ABR: variants seen among roughly 807,000 people sequenced by gnomAD.
ABR encodes active breakpoint cluster region-related protein.
Under a neutral mutation model 107.2 loss-of-function variants are expected in ABR, and 35 were observed. The observed-to-expected ratio is 0.33, with a 90% CI of 0.25 to 0.43. ABR has a LOEUF of 0.43. Among genes scored for constraint, ABR ranks in the 20% least tolerant of loss-of-function variants. The probability of loss-of-function intolerance (pLI) is 1.00; values close to 1 mark genes in which losing one functional copy is unlikely to be tolerated. For missense variants in ABR, 815 were observed against 1,115.2 expected, an observed-to-expected ratio of 0.73 and a Z score of 3.83; for synonymous variants, 498 against 462.0, an observed-to-expected ratio of 1.08 and a Z score of -1.00.
In ABR at chr17:1,050,105, A is replaced by G; in HGVS notation, c.1736T>C (p.Val579Ala). 5 of 1,613,984 alleles carry G rather than the reference A, an allele frequency of 3.1e-6. No homozygotes were observed. The highest frequency in any genetic ancestry group is 4.2e-6 in the Non-Finnish European group (5 of 1,179,994). Residue 579 changes from valine to alanine, a missense_variant, in exon 16 of 23, where the codon GTC becomes GCC. Physicochemically the swap from Val to Ala is moderately conservative, Grantham distance 64 (BLOSUM62 0). Transcript: ENST00000302538. This position sits in a 1 kb window ranked among gnomAD's most constrained non-coding sequence, Gnocchi z 4.6. ...CYEKCYDKTK[V>A]NKDNNEIVDK... ...CACGATCTCATTGTTGTCCTTGTTG[A>G]CCTTGGTCTTGTCATAGCACTTCTC...
At chr17:1,067,285 G>T (rs972408858) in intron 9 of ABR, 43 bp from the exon 10 acceptor site, 3 of 1,520,534 alleles carry the variant, frequency 2.0e-6, no homozygotes, top group Non-Finnish European at 1.8e-6. Context: ...AGGGAGCCTG[G>T]CTCTTCCAGC....
intron 1 of ABR, among the ~76,000 whole-genome samples, chr17:1,216,000 A>G (rs2042999700): frequency 7.4e-6 from 1 of 135,464 alleles, no homozygotes; most frequent in African/African-American, 2.6e-5. Context: ...AGTCATCACC[A>G]ATCCCTAATC....
At chr17:1,199,297 G>A (rs1322094553) in intron 1 of ABR, among the ~76,000 whole-genome samples, 1 of 151,080 alleles carries the variant, frequency 6.6e-6, no homozygotes, top group East Asian at 1.9e-4. Context: ...TGGCTCAGAA[G>A]CCACGCTGCA....
At position 1,067,065 on chromosome 17, in the gene ABR, A is replaced by C; in HGVS notation, c.1182+12T>G. On this transcript the variant is annotated intron_variant, in intron 10 of 22. Coordinates refer to ENST00000302538, the MANE Select transcript of ABR (RefSeq NM_021962.5). ...CAAAGGGCCCCAGGCTCAGATACCA[A>C]GCTCTGCTCACCTCCTTCTGGATTT... 6.2e-7 allele frequency: 1 copy of C among 1,612,032 alleles called. No individual in the cohort carries two copies. The highest frequency in any genetic ancestry group is 8.5e-7 in the Non-Finnish European group (1 of 1,179,040).
At chr17:1,123,397 C>T (rs113266406) in intron 2 of ABR, among the ~76,000 whole-genome samples, 47 of 152,214 alleles carry the variant, frequency 3.1e-4, no homozygotes, top group African/African-American at 9.6e-4. Flanking sequence ...AAGCAAGACG[C>T]ACAGCCACCA....
chr17:1,093,767 G>C (rs1394546629), intron 3 of ABR, among the ~76,000 whole-genome samples: 3 of 152,080 alleles, frequency 2.0e-5, no homozygotes, highest in Non-Finnish European at 4.4e-5. Flanking sequence ...ACCTCATTCT[G>C]ATGAAGTCTC....
chr17:1,057,228 G>T (rs1405539588), intron 12 of ABR, 126 bp from the exon 13 acceptor site: 3 of 630,052 alleles, frequency 4.8e-6, no homozygotes, highest in Non-Finnish European at 8.6e-6. Context: ...TGCGAGGGAG[G>T]GGGAAGGATT....
intron 2 of ABR, among the ~76,000 whole-genome samples, chr17:1,109,407 G>A (rs1023155654): frequency 1.3e-5 from 2 of 151,942 alleles, no homozygotes; most frequent in Non-Finnish European, 2.9e-5. Flanking sequence ...CCCGGGCTCC[G>A]GGGCTCGGGC....
At chr17:1,113,157 A>G (rs1204145702) in intron 2 of ABR, among the ~76,000 whole-genome samples, 1 of 151,946 alleles carries the variant, frequency 6.6e-6, no homozygotes, top group Non-Finnish European at 1.5e-5. Flanking sequence ...TGACCTGGTG[A>G]CTGACTCCCA....
At chr17:1,009,937 G>T in intron 20 of ABR, 153 bp from the exon 21 acceptor site, 1 of 654,238 alleles carries the variant, frequency 1.5e-6, no homozygotes, top group Non-Finnish European at 2.6e-6. Context: ...GTGTCTGGGT[G>T]GGCTGTCAGC....
At chr17:1,120,375 G>C (rs1185976299) in intron 2 of ABR, among the ~76,000 whole-genome samples, 1 of 152,124 alleles carries the variant, frequency 6.6e-6, no homozygotes, top group Non-Finnish European at 1.5e-5. Flanking sequence ...CTGGGTTCTA[G>C]CAATTCTCCT....
intron 1 of ABR, among the ~76,000 whole-genome samples, chr17:1,207,211 C>T (rs927809565): frequency 3.3e-5 from 5 of 150,578 alleles, no homozygotes; most frequent in Non-Finnish European, 7.4e-5. Context: ...TGTGATTGTG[C>T]CACTGGCACT....
chr17:1,124,031 G>A (rs1005550500), intron 2 of ABR, among the ~76,000 whole-genome samples: 2 of 152,058 alleles, frequency 1.3e-5, no homozygotes, highest in South Asian at 2.1e-4. Context: ...CGCTAAACTC[G>A]GCCTCGGCCT....
chr17:1,007,352 A>G, intron 21 of ABR, 40 bp from the exon 22 acceptor site: 3 of 1,610,838 alleles, frequency 1.9e-6, no homozygotes, highest in Admixed American at 3.3e-5. Flanking sequence ...GCCCTTCCTC[A>G]GCAGCCACTC....
chr17:1,023,162 G>A (rs12936635), intron 16 of ABR, among the ~76,000 whole-genome samples: 63 of 144,942 alleles, frequency 4.3e-4, no homozygotes, highest in African/African-American at 1.2e-3. Context: ...CGCCTCTGCC[G>A]GCCCCACGTC....
intron 2 of ABR, among the ~76,000 whole-genome samples, chr17:1,121,933 C>A (rs995427475): frequency 1.3e-5 from 2 of 152,194 alleles, no homozygotes; most frequent in Admixed American, 1.3e-4. Flanking sequence ...GATGGAGTCT[C>A]GCTTTGTCAC....
At chr17:1,225,827 T>C (rs2043203471) in intron 1 of ABR, among the ~76,000 whole-genome samples, 1 of 152,126 alleles carries the variant, frequency 6.6e-6, no homozygotes, top group South Asian at 2.1e-4. Context: ...TTAGCCTCAG[T>C]TTACAGATGA....
Position 1,084,753 on chromosome 17 carries a change from TAA to T in ABR, c.532-1128_532-1127del, listed in dbSNP as rs2036481212. On this transcript the variant is annotated intron_variant, in intron 4 of 22. Transcript: ENST00000302538. This position sits in a 1 kb window ranked among gnomAD's most constrained non-coding sequence, Gnocchi z 4.2. Reference sequence around the variant, plus strand: ...TATACTCATCAGAAGGGTCAAAATTTAAAAGTCTAATTGACAGCAACGGCTGG... The same window carrying T: ...TATACTCATCAGAAGGGTCAAAATTTAAGTCTAATTGACAGCAACGGCTGG... Among the ~76,000 whole-genome samples, 1 of 152,216 alleles carries T rather than the reference TAA, an allele frequency of 6.6e-6. No homozygotes were observed. The highest frequency in any genetic ancestry group is 2.4e-5 in the African/African-American group (1 of 41,452).
intron 1 of ABR, among the ~76,000 whole-genome samples, chr17:1,171,822 C>A (rs183228288): frequency 6.6e-6 from 1 of 152,222 alleles, no homozygotes; most frequent in East Asian, 1.9e-4. Flanking sequence ...CCCAGCTACT[C>A]GGGAGGCTGA....
Sources: gnomAD v4.1 joint callset for allele counts (sites outside exome capture counted in the v4.1 genomes callset) on GRCh38, gnomAD v4.1.1 for gene constraint, Gnocchi (gnomAD v3.1) non-coding constraint, MANE v1.5 for transcripts, NCBI Gene and HGNC (gene_info 2026-07-23, HGNC 2026-07-21) for gene names.